The following TMEM107 variants were observed in gnomAD, a reference collection of about 807,000 sequenced individuals.
The protein encoded by TMEM107 is transmembrane protein 107.
A neutral mutation model predicts 16.8 loss-of-function variants in TMEM107; 18 were observed. The observed-to-expected ratio is 1.07, with a 90% confidence interval of 0.74 to 1.59. The LOEUF (loss-of-function observed/expected upper bound fraction) is 1.59, where lower values mean the gene tolerates loss of function less well. Among genes scored for constraint, TMEM107 ranks in the 40% most tolerant of loss-of-function variants. TMEM107 has a pLI of 0.00. For synonymous variants in TMEM107, 68 were observed against 71.6 expected, an observed-to-expected ratio of 0.95 and a Z score of 0.25; for missense variants, 152 against 175.4, an observed-to-expected ratio of 0.87 and a Z score of 0.75.
At position 8,172,634 on chromosome 17, in the gene TMEM107, T is replaced by G. The variant is rs937213424; in HGVS notation, c.*1569A>C. 4.6e-5 allele frequency among the ~76,000 whole-genome samples: 7 copies of G among 151,944 alleles called. No individual in the cohort carries two copies. The highest frequency in any genetic ancestry group is 2.6e-4 in the Admixed American group (4 of 15,244). On this transcript the variant is annotated 3_prime_UTR_variant, in exon 5 of 5. Coordinates refer to ENST00000437139, the MANE Select transcript of TMEM107 (RefSeq NM_183065.4). ...TAGAGGCCTAGTGGGGAGGACGGCT[T>G]GAGCCCAGGAGTTTGGGACCAGCTT... is the stretch of plus-strand genomic sequence containing the variant.
At position 8,172,643 on chromosome 17, in the gene TMEM107, G is replaced by C. The variant is rs1164020268; in HGVS notation, c.*1560C>G. 6.6e-6 allele frequency among the ~76,000 whole-genome samples: 1 copy of C among 151,926 alleles called. No homozygotes were observed. The highest frequency in any genetic ancestry group is 1.5e-5 in the Non-Finnish European group (1 of 68,000). ...AGTGGGGAGGACGGCTTGAGCCCAG[G>C]AGTTTGGGACCAGCTTGGGCAACAC... is the stretch of plus-strand genomic sequence containing the variant. On this transcript the variant is annotated 3_prime_UTR_variant, in exon 5 of 5. Coordinates refer to ENST00000437139, the MANE Select transcript of TMEM107 (RefSeq NM_183065.4).
chr17:8,173,691 C>A lies in TMEM107; in HGVS notation c.*512G>T. On this transcript the variant is annotated 3_prime_UTR_variant, in exon 5 of 5. Coordinates refer to ENST00000437139, the MANE Select transcript of TMEM107 (RefSeq NM_183065.4). ...ATGAGCAATCCTATTATTTAGCGTCCTTCCAGTTGTTTTGCCATATTAGCT... is the reference window on the plus strand; with the variant it reads ...ATGAGCAATCCTATTATTTAGCGTCATTCCAGTTGTTTTGCCATATTAGCT... 1 of 620,714 alleles carries A rather than the reference C, an allele frequency of 1.6e-6. No individual in the cohort carries two copies. Among genetic ancestry groups the A allele is most frequent in the Non-Finnish European group, 2.9e-6 (1 of 345,032 alleles). The allele number at this position is 620,714 out of a possible 1,614,324, so 38.5% of individuals were successfully genotyped here. A position where few individuals can be genotyped will look rare whatever the true frequency, so the allele number is the denominator to read the frequency against.
intron 4 of TMEM107, 92 bp downstream of exon 4, chr17:8,174,428 C>T: frequency 7.2e-7 from 1 of 1,389,790 alleles, no homozygotes; most frequent in Non-Finnish European, 1.0e-6. Context: ...TCTGGTATCT[C>T]ACACATGGAG....
At position 8,173,486 on chromosome 17, in the gene TMEM107, C is replaced by G. The variant is rs562912181; in HGVS notation, c.*717G>C. 3.9e-6 allele frequency: 3 copies of G among 765,008 alleles called. No homozygotes were observed. Among genetic ancestry groups the G allele is most frequent in the Admixed American group, 1.7e-5 (1 of 58,986 alleles). The allele number at this position is 765,008 out of a possible 1,614,324, so 47.4% of individuals were successfully genotyped here. On this transcript the variant is annotated 3_prime_UTR_variant, in exon 5 of 5. Coordinates refer to ENST00000437139, the MANE Select transcript of TMEM107 (RefSeq NM_183065.4). The stretch of plus-strand genomic sequence containing the variant: ...AGGAGCAATCAGGGTGTTGCAAGTC[C>G]TGATTACGCAGAGACGTTAATCACG...
At chr17:8,174,451 T>G (rs913206709) in intron 4 of TMEM107, 69 bp downstream of exon 4, 2 of 1,495,412 alleles carry the variant, frequency 1.3e-6, no homozygotes, top group Middle Eastern at 1.7e-4. Context: ...AAGGGCTGGG[T>G]AGGGGAAAAA....
intron 3 of TMEM107, chr17:8,175,399 C>G (rs1483682604): frequency 2.0e-6 from 1 of 496,260 alleles, no homozygotes; most frequent in East Asian, 3.7e-5. Flanking sequence ...TTCTATAGCA[C>G]AGTGCTTATC....
chr17:8,173,036 C>T lies in TMEM107; in HGVS notation c.*1167G>A, dbSNP rs1236624705. ...CCAACTCTCCAAAAACAAATGTATC[C>T]ATGTATATACATCTGCGCCGTGCAC... On this transcript the variant is annotated 3_prime_UTR_variant, in exon 5 of 5. Transcript: ENST00000437139. Among the ~76,000 whole-genome samples the T allele has an allele frequency of 1.3e-5, 2 of 151,810 alleles. No homozygotes were observed. The highest frequency in any genetic ancestry group is 2.9e-5 in the Non-Finnish European group (2 of 67,964).
At position 8,173,634 on chromosome 17, in the gene TMEM107, T is replaced by C; in HGVS notation, c.*569A>G. The C allele has an allele frequency of 1.3e-6, 1 of 744,728 alleles. No homozygotes were observed. Among genetic ancestry groups the C allele is most frequent in the Non-Finnish European group, 2.5e-6 (1 of 404,144 alleles). The allele number at this position is 744,728 out of a possible 1,614,324, so 46.1% of individuals were successfully genotyped here. A position where few individuals can be genotyped will look rare whatever the true frequency, so the allele number is the denominator to read the frequency against. ...CTGCACTCAGTGAAAAAGATTCCGTTACAAGCTAGGGTGAGTTCATAACGC... is the reference window on the plus strand; with the variant it reads ...CTGCACTCAGTGAAAAAGATTCCGTCACAAGCTAGGGTGAGTTCATAACGC... On this transcript the variant is annotated 3_prime_UTR_variant, in exon 5 of 5. Coordinates refer to ENST00000437139, the MANE Select transcript of TMEM107 (RefSeq NM_183065.4).
chr17:8,174,592 G>A lies in TMEM107; in HGVS notation c.281C>T (p.Ser94Phe), dbSNP rs1408799401. ...LISIGAHCSA[S>F]VALSFFIFER... is the part of the protein sequence containing the mutation. ...GAATATGAAGAAGGACAGGGCCACGGATGCACTACAGTGAGCCCCAATGGC... is the reference window on the plus strand; with the variant it reads ...GAATATGAAGAAGGACAGGGCCACGAATGCACTACAGTGAGCCCCAATGGC... The change falls in exon 4 of 5, where the codon TCC becomes TTC. Residue 94 changes from serine to phenylalanine, a missense_variant. Coordinates refer to ENST00000437139, the MANE Select transcript of TMEM107 (RefSeq NM_183065.4). 1.2e-6 allele frequency: 2 copies of A among 1,614,172 alleles called. No homozygotes were observed. Among genetic ancestry groups the A allele is most frequent in the Non-Finnish European group, 8.5e-7 (1 of 1,180,022 alleles).
Position 8,173,171 on chromosome 17 carries a change from C to T in TMEM107, c.*1032G>A, listed in dbSNP as rs947227868. 8.6e-6 allele frequency: 3 copies of T among 350,248 alleles called. No homozygotes were observed. Among genetic ancestry groups the T allele is most frequent in the African/African-American group, 2.1e-5 (1 of 47,328 alleles). The allele number at this position is 350,248 out of a possible 1,614,324, so 21.7% of individuals were successfully genotyped here. ...ATGTGCACAAGACTGCAGATATTTA[C>T]TGATGTGCAATGTTTCCTGAGAAGT... is the stretch of plus-strand genomic sequence containing the variant. On this transcript the variant is annotated 3_prime_UTR_variant, in exon 5 of 5. Coordinates refer to ENST00000437139, the MANE Select transcript of TMEM107 (RefSeq NM_183065.4).
chr17:8,173,207 GT>G lies in TMEM107; in HGVS notation c.*995del, dbSNP rs1295275544. On this transcript the variant is annotated 3_prime_UTR_variant, in exon 5 of 5. Coordinates refer to ENST00000437139, the MANE Select transcript of TMEM107 (RefSeq NM_183065.4). Reference sequence around the variant, plus strand: ...TGTTTCCTGAGAAGTGAGGATTAAAGTTATCAAACGACAAAAAACAAAGAGC... The same window carrying G: ...TGTTTCCTGAGAAGTGAGGATTAAAGTATCAAACGACAAAAAACAAAGAGC... 2 of 415,630 alleles carry G rather than the reference GT, an allele frequency of 4.8e-6. No homozygotes were observed. Among genetic ancestry groups the G allele is most frequent in the Non-Finnish European group, 8.8e-6 (2 of 226,840 alleles). 25.7% of individuals were successfully genotyped at this position (415,630 alleles called of 1,614,324 possible). A position where few individuals can be genotyped will look rare whatever the true frequency, so the allele number is the denominator to read the frequency against.
intron 3 of TMEM107, 86 bp downstream of exon 3, chr17:8,175,671 A>G (rs1426356061): frequency 9.2e-7 from 1 of 1,081,396 alleles, no homozygotes; most frequent in South Asian, 1.2e-5. Context: ...AGGATTGGCT[A>G]CAGCAGACAC....
rs368022715 is a variant in TMEM107 at position 8,173,565 on chromosome 17, G to A, written c.*638C>T. 3.0e-4 allele frequency: 232 copies of A among 765,264 alleles called. No individual in the cohort carries two copies. The highest frequency in any genetic ancestry group is 5.9e-4 in the African/African-American group (35 of 59,240). The allele number at this position is 765,264 out of a possible 1,614,324, so 47.4% of individuals were successfully genotyped here. On this transcript the variant is annotated 3_prime_UTR_variant, in exon 5 of 5. Coordinates refer to ENST00000437139, the MANE Select transcript of TMEM107 (RefSeq NM_183065.4). ...AATCTGCCCTCCGGAGGAGGAACAG[G>A]TAAGGATTATCCCACCTGACGATAC...
chr17:8,174,192 CAT>C lies in TMEM107; in HGVS notation c.*9_*10del. On this transcript the variant is annotated 3_prime_UTR_variant, in exon 5 of 5. Coordinates refer to ENST00000437139, the MANE Select transcript of TMEM107 (RefSeq NM_183065.4). Reference sequence around the variant, plus strand: ...GTAGGCTTCGTCCTTAGGTTCCCGTCATGAAGGTAATCAGAAGGGTTTCTTTT... The same window carrying C: ...GTAGGCTTCGTCCTTAGGTTCCCGTCGAAGGTAATCAGAAGGGTTTCTTTT... 1.2e-6 allele frequency: 2 copies of C among 1,613,604 alleles called. No homozygotes were observed. The highest frequency in any genetic ancestry group is 8.5e-7 in the Non-Finnish European group (1 of 1,179,512).
At position 8,175,872 on chromosome 17, in the gene TMEM107, T is replaced by C. The variant is rs747408603; in HGVS notation, c.156-15A>G. 2 of 1,614,126 alleles carry C rather than the reference T, an allele frequency of 1.2e-6. No homozygotes were observed. The highest frequency in any genetic ancestry group is 1.1e-5 in the South Asian group (1 of 91,086). On this transcript the variant is annotated splice_polypyrimidine_tract_variant and intron_variant, in intron 2 of 4. Coordinates refer to ENST00000437139, the MANE Select transcript of TMEM107 (RefSeq NM_183065.4). ...CGGCCACCAGCCTGCAGAGAGGAAG[T>C]GGACTGGCCCAGGCCTTTGGACTTA...
At position 8,173,961 on chromosome 17, in the gene TMEM107, C is replaced by T; in HGVS notation, c.*242G>A. ...TTTTTTTTTTATTCAGTAGTTCAGCCATCTCAATTGTCCCCTAAAACTGTA... is the reference window on the plus strand; with the variant it reads ...TTTTTTTTTTATTCAGTAGTTCAGCTATCTCAATTGTCCCCTAAAACTGTA... On this transcript the variant is annotated 3_prime_UTR_variant, in exon 5 of 5. Transcript: ENST00000437139. The T allele has an allele frequency of 1.9e-6, 1 of 520,968 alleles. No homozygotes were observed. The highest frequency in any genetic ancestry group is 2.5e-5 in the South Asian group (1 of 39,534). 32.3% of individuals were successfully genotyped at this position (520,968 alleles called of 1,614,324 possible).
intron 3 of TMEM107, 120 bp from the exon 4 acceptor site, chr17:8,174,736 T>C (rs1983989703): frequency 4.7e-6 from 4 of 853,126 alleles, no homozygotes; most frequent in Non-Finnish European, 7.8e-6. Flanking sequence ...TCACCATGTT[T>C]CAAGGGCTAG....
At chr17:8,175,891 G>A (rs1469053798) in intron 2 of TMEM107, 34 bp from the exon 3 acceptor site, 1 of 1,614,004 alleles carries the variant, frequency 6.2e-7, no homozygotes, top group African/African-American at 1.3e-5. Flanking sequence ...CCAGGCCTTT[G>A]GACTTATTCT....
intron 3 of TMEM107, chr17:8,175,375 C>T: frequency 2.4e-6 from 1 of 409,498 alleles, no homozygotes; most frequent in Non-Finnish European, 4.5e-6. Context: ...CCTGTGCTTT[C>T]TATCTTCACA....
Sources: allele counts gnomAD v4.1 joint callset (sites outside exome capture counted in the v4.1 genomes callset), GRCh38; gene constraint gnomAD v4.1.1; transcripts MANE v1.5; gene names NCBI Gene and HGNC (gene_info 2026-07-23, HGNC 2026-07-21).